Variants in RALGAPA2 observed in about 807,000 individuals in gnomAD.
RALGAPA2 encodes the protein Ral GTPase activating protein catalytic subunit alpha 2.
In RALGAPA2, 139 loss-of-function variants were observed where a neutral mutation model predicts 230.4. The observed-to-expected ratio is 0.60, with a 90% CI of 0.53 to 0.69. The LOEUF (loss-of-function observed/expected upper bound fraction) is 0.69, where lower values mean the gene tolerates loss of function less well. RALGAPA2 is among the 30% of genes least tolerant of loss of function. The pLI is 0.00. For synonymous variants in RALGAPA2, 847 were observed against 837.8 expected (o/e 1.01, Z -0.19); for missense variants, 2,163 against 2,276.0 (o/e 0.95, Z 1.01).
intron 1 of RALGAPA2, among the ~76,000 whole-genome samples, chr20:20,690,844 C>T (rs2068876809): frequency 6.6e-6 from 1 of 152,186 alleles, no homozygotes; most frequent in Admixed American, 6.5e-5. Context: ...ACACCATCTA[C>T]CTCCAACTAC....
intron 9 of RALGAPA2, among the ~76,000 whole-genome samples, chr20:20,631,351 G>A (rs556223345): frequency 6.6e-6 from 1 of 152,326 alleles, no homozygotes; most frequent in Admixed American, 6.5e-5. Context: ...CCCAGAATCT[G>A]CGAATGTGTT....
At chr20:20,489,080 C>T (rs1257314911) in intron 36 of RALGAPA2, among the ~76,000 whole-genome samples, 1 of 152,154 alleles carries the variant, frequency 6.6e-6, no homozygotes, top group Non-Finnish European at 1.5e-5. Flanking sequence ...TAGCCTTCTT[C>T]CACTGCCATA....
chr20:20,679,787 A>T (rs1388867133), intron 2 of RALGAPA2, among the ~76,000 whole-genome samples: 2 of 152,180 alleles, frequency 1.3e-5, no homozygotes, highest in African/African-American at 4.8e-5. Context: ...GCAGGAAGTC[A>T]TCTCTCCCAC....
chr20:20,447,241 G>A (rs1408621129), intron 37 of RALGAPA2, among the ~76,000 whole-genome samples: 1 of 152,198 alleles, frequency 6.6e-6, no homozygotes, highest in Admixed American at 6.5e-5. Context: ...CAATTCGAAA[G>A]TTTCCCAGGC....
intron 37 of RALGAPA2, among the ~76,000 whole-genome samples, chr20:20,425,390 A>G (rs1045587018): frequency 6.6e-6 from 1 of 152,192 alleles, no homozygotes; most frequent in Admixed American, 6.5e-5. Context: ...GTATTTACAA[A>G]AGTTTAGCTT....
chr20:20,526,354 G>C lies in RALGAPA2; in HGVS notation c.3591C>G (p.Asn1197Lys). 6.3e-7 allele frequency: 1 copy of C among 1,590,050 alleles called. No homozygotes were observed. The highest frequency in any genetic ancestry group is 1.2e-5 in the South Asian group (1 of 86,264). Residue 1197 changes from asparagine to lysine, a missense_variant, in exon 28 of 40, where the codon AAC becomes AAG. Transcript: ENST00000202677. The stretch of plus-strand genomic sequence containing the variant: ...CGCAAGCTACCTGGGCCACGATTTT[G>C]TTGGGAAACTATAAAAGGAAACCGA... Reference protein sequence around the residue: ...NVIGVTLKFPNKIVAQVACDV... With the variant: ...NVIGVTLKFPKKIVAQVACDV...
intron 36 of RALGAPA2, among the ~76,000 whole-genome samples, chr20:20,483,397 G>C (rs917421753): frequency 6.6e-6 from 1 of 152,194 alleles, no homozygotes; most frequent in East Asian, 1.9e-4. Flanking sequence ...ACACACATGA[G>C]AGAATGGGCA....
Position 20,486,237 on chromosome 20 carries a change from T to C in RALGAPA2, c.5367+8880A>G, listed in dbSNP as rs553661547. ...AGTGGGTCCATCTTTATGACTTCTATAATTTTTTTTTTTTTTTATGATGAA... is the reference window on the plus strand; with the variant it reads ...AGTGGGTCCATCTTTATGACTTCTACAATTTTTTTTTTTTTTTATGATGAA... On this transcript the variant is annotated intron_variant, in intron 36 of 39. Coordinates refer to ENST00000202677, the MANE Select transcript of RALGAPA2 (RefSeq NM_020343.4). Among the ~76,000 whole-genome samples the C allele has an allele frequency of 1.2e-4, 18 of 151,940 alleles. No individual in the cohort carries two copies. The South Asian group carries it at 3.1e-3, about 26-fold the overall frequency.
At chr20:20,615,167 T>C (rs1312818726) in intron 13 of RALGAPA2, among the ~76,000 whole-genome samples, 1 of 151,632 alleles carries the variant, frequency 6.6e-6, no homozygotes, top group African/African-American at 2.4e-5. Context: ...GAGGACTTTT[T>C]TTTTTTTTTT....
chr20:20,559,727 A>G (rs2064199880), intron 23 of RALGAPA2, among the ~76,000 whole-genome samples: 1 of 151,974 alleles, frequency 6.6e-6, no homozygotes. Context: ...AAATAGGAGG[A>G]GGAGGGCTTT....
intron 36 of RALGAPA2, among the ~76,000 whole-genome samples, chr20:20,479,422 T>C (rs964554099): frequency 6.6e-6 from 1 of 152,134 alleles, no homozygotes; most frequent in Non-Finnish European, 1.5e-5. Flanking sequence ...TTCCATAATG[T>C]GCAAAAATAA....
intron 23 of RALGAPA2, among the ~76,000 whole-genome samples, chr20:20,549,636 G>GT (rs1312835988): frequency 2.6e-5 from 4 of 152,148 alleles, no homozygotes; most frequent in African/African-American, 9.7e-5. Context: ...CTCGAAGACT[G>GT]TATCTTTGTG....
intron 36 of RALGAPA2, among the ~76,000 whole-genome samples, chr20:20,488,000 G>A (rs1458504135): frequency 6.6e-6 from 1 of 152,028 alleles, no homozygotes; most frequent in Non-Finnish European, 1.5e-5. Context: ...GGTATATGAG[G>A]GGGACTGGTT....
intron 38 of RALGAPA2, among the ~76,000 whole-genome samples, chr20:20,410,327 AT>A (rs2060034511): frequency 6.6e-6 from 1 of 152,242 alleles, no homozygotes; most frequent in Non-Finnish European, 1.5e-5. Flanking sequence ...CATTTTGATA[AT>A]ATCTTAATAA....
Position 20,393,090 on chromosome 20 carries a change from A to T in RALGAPA2, c.*199T>A. 1 of 1,351,618 alleles carries T rather than the reference A, an allele frequency of 7.4e-7. No homozygotes were observed. Among genetic ancestry groups the T allele is most frequent in the Non-Finnish European group, 9.9e-7 (1 of 1,014,206 alleles). The allele number at this position is 1,351,618 out of a possible 1,614,324, so 83.7% of individuals were successfully genotyped here. A position where few individuals can be genotyped will look rare whatever the true frequency, so the allele number is the denominator to read the frequency against. ...GGTAGTGGGATTCACCATGGGCTTC[A>T]GAAGTCCACTAATGGGAAGACCTGC... On this transcript the variant is annotated 3_prime_UTR_variant, in exon 40 of 40. Coordinates refer to ENST00000202677, the MANE Select transcript of RALGAPA2 (RefSeq NM_020343.4).
At chr20:20,598,932 T>C in intron 16 of RALGAPA2, 15 of 353,148 alleles carry the variant, frequency 4.2e-5, no homozygotes, top group South Asian at 3.2e-4. Flanking sequence ...CATTTAAACT[T>C]TTAAACTTTA....
chr20:20,410,567 T>C (rs1164625060), intron 38 of RALGAPA2, among the ~76,000 whole-genome samples: 1 of 152,214 alleles, frequency 6.6e-6, no homozygotes, highest in Non-Finnish European at 1.5e-5. Flanking sequence ...TCATGTTCTT[T>C]CACTGAAAAA....
intron 3 of RALGAPA2, among the ~76,000 whole-genome samples, chr20:20,664,036 T>A (rs1029993277): frequency 1.3e-5 from 2 of 152,194 alleles, no homozygotes; most frequent in Non-Finnish European, 2.9e-5. Context: ...AAAGAATGAT[T>A]CATATCCCAG....
intron 30 of RALGAPA2, 148 bp downstream of exon 30, chr20:20,524,258 G>GT: frequency 8.8e-7 from 1 of 1,141,842 alleles, no homozygotes. Flanking sequence ...GCCCAGCCAA[G>GT]TTATTTACTT....
Sources: allele counts gnomAD v4.1 joint callset (sites outside exome capture counted in the v4.1 genomes callset), GRCh38; gene constraint gnomAD v4.1.1; transcripts MANE v1.5; gene names NCBI Gene and HGNC (gene_info 2026-07-23, HGNC 2026-07-21).